The following SRCAP variants were observed in gnomAD, a reference collection of about 807,000 sequenced individuals.
SRCAP encodes chromatin remodeling protein SRCAP.
In SRCAP, 46 loss-of-function variants were observed where a neutral mutation model predicts 263.1. The ratio of observed to expected loss-of-function variants is 0.17; its 90% CI spans 0.14 to 0.22. The LOEUF (loss-of-function observed/expected upper bound fraction) is 0.22. Among genes scored for constraint, SRCAP ranks in the 10% least tolerant of loss-of-function variants. The pLI is 1.00. For missense variants in SRCAP, 3,695 were observed against 4,181.9 expected, an observed-to-expected ratio of 0.88 and a Z score of 3.21; for synonymous variants, 1,813 against 1,662.1, an observed-to-expected ratio of 1.09 and a Z score of -2.21.
chr16:30,707,140 T>C (rs747670958), intron 4 of SRCAP, 43 bp from the exon 5 acceptor site: 3 of 1,537,714 alleles, frequency 2.0e-6, no homozygotes, highest in East Asian at 2.2e-5. Context: ...TGAGATGGAG[T>C]GTGTGTTTAG....
Position 30,736,109 on chromosome 16 carries a change from C to T in SRCAP, c.6730-91C>T, listed in dbSNP as rs149598368. 1,079 of 1,507,570 alleles carry T rather than the reference C, an allele frequency of 7.2e-4. 4 individuals carry two copies. The African/African-American group carries it at 0.012, about 17-fold the overall frequency. The allele number at this position is 1,507,570 out of a possible 1,614,324, so 93.4% of individuals were successfully genotyped here. Reference sequence around the variant, plus strand: ...TCTGTTGCAAACCTAGTTTGGTGTACGCTTGGTCTCAAGTTCTTGCCTGAA... The same window carrying T: ...TCTGTTGCAAACCTAGTTTGGTGTATGCTTGGTCTCAAGTTCTTGCCTGAA... On this transcript the variant is annotated intron_variant, in intron 31 of 33. Transcript: ENST00000262518.
chr16:30,723,481 C>A, intron 24 of SRCAP, 103 bp from the exon 25 acceptor site: 1 of 1,510,106 alleles, frequency 6.6e-7, no homozygotes, highest in Non-Finnish European at 8.8e-7. Flanking sequence ...GGAGTGAATG[C>A]CTTCTGGGAA....
intron 31 of SRCAP, among the ~76,000 whole-genome samples, 174 bp downstream of exon 31, chr16:30,734,789 GA>G (rs946971900): frequency 5.3e-5 from 8 of 149,900 alleles, no homozygotes; most frequent in African/African-American, 1.7e-4. Context: ...GATTAAGTAG[GA>G]AAAAAAAACA....
At position 30,738,687 on chromosome 16, in the gene SRCAP, T is replaced by A; in HGVS notation, c.8647T>A (p.Ser2883Thr). The change falls in exon 34 of 34, where the codon TCC (serine) becomes ACC (threonine). Residue 2883 changes from serine (S) to threonine (T), a missense_variant. Physicochemically the swap from Ser to Thr is moderately conservative, Grantham distance 58. This residue lies in a region of SRCAP where 1,207 missense variants were observed against 1,142.9 expected (regional missense o/e 1.06). Coordinates refer to ENST00000262518, the MANE Select transcript of SRCAP (RefSeq NM_006662.3). ...GAGAGGTGTGGATGAGGCACCCTCA[T>A]CCACCTTGAAGGGAAAAACCAATGG... Reference protein sequence around the residue: ...AGRGVDEAPSSTLKGKTNGAD... With the variant: ...AGRGVDEAPSTTLKGKTNGAD... The A allele has an allele frequency of 6.2e-7, 1 of 1,613,788 alleles. No homozygotes were observed.
intron 33 of SRCAP, 52 bp from the exon 34 acceptor site, chr16:30,736,997 C>A: frequency 6.6e-7 from 1 of 1,524,912 alleles, no homozygotes; most frequent in East Asian, 2.3e-5. Flanking sequence ...TTTCTACTCA[C>A]TCTCTACTCT....
chr16:30,726,196 C>G (rs151309332), intron 25 of SRCAP: 1 of 152,076 alleles, frequency 6.6e-6, no homozygotes, highest in South Asian at 2.1e-4. Context: ...TGTGTTATAG[C>G]GTATATCAGT....
chr16:30,720,057 G>C, intron 18 of SRCAP, 105 bp from the exon 19 acceptor site: 2 of 1,327,600 alleles, frequency 1.5e-6, no homozygotes, highest in Non-Finnish European at 2.1e-6. Context: ...TTGGTTTTCT[G>C]TTTCTGTGTT....
intron 3 of SRCAP, among the ~76,000 whole-genome samples, chr16:30,703,501 A>G (rs1031095752): frequency 6.6e-6 from 1 of 151,526 alleles, no homozygotes; most frequent in African/African-American, 2.4e-5. Flanking sequence ...GCCTATATAT[A>G]TATATATTTT....
At chr16:30,706,530 AAGAC>A (rs1336090816) in intron 4 of SRCAP, among the ~76,000 whole-genome samples, 3 of 152,228 alleles carry the variant, frequency 2.0e-5, no homozygotes, top group Admixed American at 1.3e-4. Context: ...TTTTAAATAA[AAGAC>A]AATCAGTGTA....
Position 30,738,757 on chromosome 16 carries a change from C to T in SRCAP, c.8717C>T (p.Pro2906Leu). ...PGPETLIVAD[P>L]VLEPQLIPGP... The stretch of plus-strand genomic sequence containing the variant: ...CCTGAGACCCTAATTGTTGCAGATC[C>T]TGTCCTGGAACCACAGCTTATTCCT... Residue 2906 changes from proline (P) to leucine (L), a missense_variant, in exon 34 of 34, where the codon CCT (proline) becomes CTT (leucine). Transcript: ENST00000262518. 6.2e-7 allele frequency: 1 copy of T among 1,614,054 alleles called. No homozygotes were observed. The highest frequency in any genetic ancestry group is 8.5e-7 in the Non-Finnish European group (1 of 1,179,978).
At position 30,721,413 on chromosome 16, in the gene SRCAP, C is replaced by A; in HGVS notation, c.3478C>A (p.Pro1160Thr). The A allele has an allele frequency of 1.9e-6, 3 of 1,613,566 alleles. No homozygotes were observed. The highest frequency in any genetic ancestry group is 2.5e-6 in the Non-Finnish European group (3 of 1,180,046). ...GGCAACTGCTACCACCACAGCAGTG[C>A]CAGCTCCGACTCCTGCACCACAGCG... ...TTATATTTAV[P>T]APTPAPQRLI... is the part of the protein sequence containing the mutation. The change falls in exon 21 of 34, where the codon CCA (proline) becomes ACA (threonine). Residue 1160 changes from proline (P) to threonine (T), a missense_variant. By Grantham distance (38) the Pro-to-Thr change is conservative. Coordinates refer to ENST00000262518, the MANE Select transcript of SRCAP (RefSeq NM_006662.3).
At chr16:30,731,965 C>T (rs1032750779) in intron 27 of SRCAP, among the ~76,000 whole-genome samples, 3 of 149,474 alleles carry the variant, frequency 2.0e-5, no homozygotes, top group African/African-American at 7.4e-5. Context: ...GGCAACATGG[C>T]GAAACCCTGT....
Position 30,716,160 on chromosome 16 carries a change from A to T in SRCAP, c.2588A>T (p.Lys863Met), listed in dbSNP as rs1323344117. The T allele has an allele frequency of 6.2e-7, 1 of 1,614,082 alleles. No individual in the cohort carries two copies. The highest frequency in any genetic ancestry group is 8.5e-7 in the Non-Finnish European group (1 of 1,180,044). Residue 863 changes from lysine (K) to methionine (M), a missense_variant, in exon 17 of 34, where the codon AAG becomes ATG. By Grantham distance (95) the Lys-to-Met change is moderately conservative. This residue lies in a region of SRCAP where 147 missense variants were observed against 212.7 expected (regional missense o/e 0.69). Transcript: ENST00000262518. ...CATGTTATCCGCTGCAGGCTCTCCA[A>T]GCGTCAACGCTGTCTCTATGATGAC... ...YEHVIRCRLS[K>M]RQRCLYDDFM...
At chr16:30,719,153 C>T (rs924466870) in intron 18 of SRCAP, among the ~76,000 whole-genome samples, 2 of 150,998 alleles carry the variant, frequency 1.3e-5, no homozygotes, top group African/African-American at 4.9e-5. Context: ...ACCTTGGCCT[C>T]CCAAGGTAGT....
chr16:30,710,231 C>T, intron 8 of SRCAP, 103 bp downstream of exon 8: 1 of 1,226,234 alleles, frequency 8.2e-7, no homozygotes, highest in South Asian at 1.5e-5. Context: ...TTTAGGAGTT[C>T]TGCTAGTAAT....
rs1175531369 is a variant in SRCAP at position 30,737,446 on chromosome 16, C to T, written c.7406C>T (p.Ser2469Leu). 4 of 1,593,870 alleles carry T rather than the reference C, an allele frequency of 2.5e-6. No individual in the cohort carries two copies. The highest frequency in any genetic ancestry group is 3.4e-6 in the Non-Finnish European group (4 of 1,168,268). Residue 2469 changes from serine (S) to leucine (L), a missense_variant, in exon 34 of 34, where the codon TCA becomes TTA. Around this residue, in one of 12 missense-constraint regions of SRCAP, gnomAD observed 1,207 missense variants for 1,142.9 expected, o/e 1.06. Coordinates refer to ENST00000262518, the MANE Select transcript of SRCAP (RefSeq NM_006662.3). The stretch of plus-strand genomic sequence containing the variant: ...CCAGTTTCTGCCCCAGTACCCATTT[C>T]AGCCCCAAATCCAATAACCATTCTC... ...PVPVSAPVPI[S>L]APNPITILPV...
In SRCAP at chr16:30,720,841, G is replaced by A. The variant is rs200405373; in HGVS notation, c.3116G>A (p.Gly1039Asp). 1.2e-6 allele frequency: 2 copies of A among 1,613,856 alleles called. No individual in the cohort carries two copies. Among genetic ancestry groups the A allele is most frequent in the Non-Finnish European group, 8.5e-7 (1 of 1,179,980 alleles). Residue 1039 changes from glycine to aspartate, a missense_variant, in exon 20 of 34, where the codon GGC becomes GAC. Gly to Asp is a moderately conservative substitution (Grantham distance 94, BLOSUM62 -1). Transcript: ENST00000262518. ...GPELSAQPTP[G>D]PVPQVLPASL... ...GAGCTCTCAGCCCAGCCCACCCCTG[G>A]CCCAGTCCCCCAAGTGCTGCCAGCA...
Position 30,736,625 on chromosome 16 carries a change from G to C in SRCAP, c.7008+1G>C. On this transcript the variant is annotated splice_donor_variant, in intron 33 of 33. Coordinates refer to ENST00000262518, the MANE Select transcript of SRCAP (RefSeq NM_006662.3). LOFTEE classifies it high-confidence loss of function. ...CCGAGAGGAGCTCAAACAGGCAGAA[G>C]TGAGTATTTCCAGGGGTGGGGCTGG... is the stretch of plus-strand genomic sequence containing the variant. The C allele has an allele frequency of 6.2e-7, 1 of 1,614,192 alleles. No individual in the cohort carries two copies. Among genetic ancestry groups the C allele is most frequent in the Non-Finnish European group, 8.5e-7 (1 of 1,180,008 alleles).
At position 30,722,643 on chromosome 16, in the gene SRCAP, G is replaced by A; in HGVS notation, c.3787G>A (p.Val1263Met). 3 of 1,614,018 alleles carry A rather than the reference G, an allele frequency of 1.9e-6. No homozygotes were observed. The highest frequency in any genetic ancestry group is 2.5e-6 in the Non-Finnish European group (3 of 1,180,002). Residue 1263 changes from valine to methionine, a missense_variant, in exon 23 of 34, where the codon GTG (valine) becomes ATG (methionine). By Grantham distance (21) the Val-to-Met change is conservative. Around this residue, in one of 12 missense-constraint regions of SRCAP, gnomAD observed 1,347 missense variants for 1,304.4 expected, o/e 1.03. Coordinates refer to ENST00000262518, the MANE Select transcript of SRCAP (RefSeq NM_006662.3). ...TGCCCATGTGGCCCTCATCCAGGCC[G>A]TGGCCCCGACCCCTGGCCCTACCCC... ...QPAHVALIQA[V>M]APTPGPTPVS...
Sources: allele counts gnomAD v4.1 joint callset (sites outside exome capture counted in the v4.1 genomes callset), GRCh38; gene constraint gnomAD v4.1.1; regional missense constraint gnomAD v4.1.1; transcripts MANE v1.5; gene names NCBI Gene and HGNC (gene_info 2026-07-23, HGNC 2026-07-21).